The following LIN28A variants were observed in gnomAD, a reference collection of about 807,000 sequenced individuals.
LIN28A encodes the protein protein lin-28 homolog A.
A neutral mutation model predicts 21.1 loss-of-function variants in LIN28A; 11 were observed. The ratio of observed to expected loss-of-function variants is 0.52; its 90% CI spans 0.33 to 0.86. The LOEUF (loss-of-function observed/expected upper bound fraction) is 0.86, where lower values mean the gene tolerates loss of function less well. LIN28A is among the 40% of genes least tolerant of loss of function. The pLI is 0.03. For synonymous variants in LIN28A, 111 were observed against 108.7 expected, an observed-to-expected ratio of 1.02 and a Z score of -0.13; for missense variants, 219 against 279.8, an observed-to-expected ratio of 0.78 and a Z score of 1.55.
At chr1:26,425,238 G>T in intron 2 of LIN28A, 65 bp from the exon 3 acceptor site, 1 of 1,509,190 alleles carries the variant, frequency 6.6e-7, no homozygotes, top group Non-Finnish European at 9.1e-7. Context: ...AGGAATAAGA[G>T]TTCCTTGTCT....
At chr1:26,424,387 G>A (rs1013063338) in intron 2 of LIN28A, among the ~76,000 whole-genome samples, 37 of 151,618 alleles carry the variant, frequency 2.4e-4, no homozygotes, top group Non-Finnish European at 4.3e-4. Context: ...GATTACAGGC[G>A]CCCACCACCA....
At chr1:26,419,094 G>T (rs1175463526) in intron 2 of LIN28A, among the ~76,000 whole-genome samples, 4 of 152,076 alleles carry the variant, frequency 2.6e-5, no homozygotes, top group Non-Finnish European at 5.9e-5. Context: ...GGGGAAGGGG[G>T]CGGGGCCCTG....
rs1212308749 is a variant in LIN28A at position 26,427,390 on chromosome 1, G to C, written c.*932G>C. On this transcript the variant is annotated 3_prime_UTR_variant, in exon 4 of 4. Transcript: ENST00000326279. ...ACCTCATTTTTGCCAATAAGAGCTG[G>C]CTTTTCTGCCATAGTGTCCTCTTGA... is the stretch of plus-strand genomic sequence containing the variant. 1 of 152,610 alleles carries C rather than the reference G, an allele frequency of 6.6e-6. No homozygotes were observed. Among genetic ancestry groups the C allele is most frequent in the African/African-American group, 2.4e-5 (1 of 41,430 alleles). 9.5% of individuals were successfully genotyped at this position (152,610 alleles called of 1,614,324 possible). A position where few individuals can be genotyped will look rare whatever the true frequency, so the allele number is the denominator to read the frequency against.
At chr1:26,425,596 T>A in intron 3 of LIN28A, 109 bp downstream of exon 3, 1 of 1,041,660 alleles carries the variant, frequency 9.6e-7, no homozygotes, top group Non-Finnish European at 1.4e-6. Flanking sequence ...CTGTGGTCCC[T>A]GGCAGCATCT....
intron 2 of LIN28A, among the ~76,000 whole-genome samples, chr1:26,417,178 G>T (rs1004576678): frequency 5.3e-5 from 8 of 152,168 alleles, no homozygotes; most frequent in Non-Finnish European, 1.0e-4. Context: ...AGGCGCCCTC[G>T]GGCTTACCTT....
intron 2 of LIN28A, among the ~76,000 whole-genome samples, chr1:26,420,536 G>A (rs1408541638): frequency 2.7e-5 from 4 of 150,212 alleles, no homozygotes; most frequent in Admixed American, 2.0e-4. Context: ...CCCAGGAGGC[G>A]GAGGTTGCAG....
At chr1:26,414,858 G>A (rs2074984069) in intron 2 of LIN28A, among the ~76,000 whole-genome samples, 1 of 152,108 alleles carries the variant, frequency 6.6e-6, no homozygotes, top group Admixed American at 6.6e-5. Flanking sequence ...TCCCCTTGGA[G>A]TCAAAAATCT....
At chr1:26,425,780 A>G (rs2075055269) in intron 3 of LIN28A, among the ~76,000 whole-genome samples, 2 of 152,232 alleles carry the variant, frequency 1.3e-5, no homozygotes, top group African/African-American at 2.4e-5. Context: ...AAAGGAGATC[A>G]TAGATTTGCA....
chr1:26,426,340 T>A lies in LIN28A; in HGVS notation c.512T>A (p.Val171Glu), dbSNP rs201400954. 2 of 1,614,110 alleles carry A rather than the reference T, an allele frequency of 1.2e-6. No homozygotes were observed. Among genetic ancestry groups the A allele is most frequent in the African/African-American group, 2.7e-5 (2 of 75,046 alleles). Residue 171 changes from valine (V) to glutamate (E), a missense_variant, in exon 4 of 4, where the codon GTA (valine) becomes GAA (glutamate). Val to Glu is a moderately radical substitution (Grantham distance 121). This residue lies in a region of LIN28A where 124 missense variants were observed against 193.1 expected (regional missense o/e 0.64). Coordinates refer to ENST00000326279, the MANE Select transcript of LIN28A (RefSeq NM_024674.6). Reference sequence around the variant, plus strand: ...TTCTGCCAGAGCATCAGCCATATGGTAGCCTCATGTCCGCTGAAGGCCCAG... The same window carrying A: ...TTCTGCCAGAGCATCAGCCATATGGAAGCCTCATGTCCGCTGAAGGCCCAG... ...CHFCQSISHMVASCPLKAQQG... is the reference protein window; with the variant it reads ...CHFCQSISHMEASCPLKAQQG...
At chr1:26,417,836 G>A (rs1242126896) in intron 2 of LIN28A, among the ~76,000 whole-genome samples, 2 of 152,148 alleles carry the variant, frequency 1.3e-5, no homozygotes, top group African/African-American at 2.4e-5. Context: ...AATTGAGGTA[G>A]AGACCTGCAC....
intron 2 of LIN28A, among the ~76,000 whole-genome samples, chr1:26,420,106 T>C (rs1378753590): frequency 2.6e-5 from 4 of 152,056 alleles, no homozygotes; most frequent in Non-Finnish European, 4.4e-5. Context: ...CACAGGCACA[T>C]GCCACCATGC....
chr1:26,425,263 G>A, intron 2 of LIN28A, 40 bp from the exon 3 acceptor site: 1 of 1,588,598 alleles, frequency 6.3e-7, no homozygotes, highest in East Asian at 2.2e-5. Context: ...GTATAATAAT[G>A]GAAATTAATG....
At chr1:26,423,594 T>G (rs1412968381) in intron 2 of LIN28A, among the ~76,000 whole-genome samples, 1 of 147,946 alleles carries the variant, frequency 6.8e-6, no homozygotes, top group Non-Finnish European at 1.5e-5. Flanking sequence ...TTTTTAGTAG[T>G]AGAGACAGGG....
rs1309127696 is a variant in LIN28A at position 26,411,388 on chromosome 1, G to T, written c.34G>T (p.Gly12Cys). Residue 12 changes from glycine (G) to cysteine (C), a missense_variant and splice_region_variant, in exon 2 of 4, where the codon GGC becomes TGC. Coordinates refer to ENST00000326279, the MANE Select transcript of LIN28A (RefSeq NM_024674.6). This position sits in a 1 kb window ranked among gnomAD's most constrained non-coding sequence, Gnocchi z 5.4. ...GSVSNQQFAG[G>C]CAKAAEEAPE... ...TGCCCGGCCCTCCCTCTCTCCAGGT[G>T]GCTGCGCCAAGGCGGCAGAAGAGGC... The T allele has an allele frequency of 2.5e-6, 4 of 1,591,442 alleles. No individual in the cohort carries two copies. The highest frequency in any genetic ancestry group is 2.1e-4 in the Middle Eastern group (1 of 4,782).
At chr1:26,425,272 T>A (rs940073613) in intron 2 of LIN28A, 31 bp from the exon 3 acceptor site, 1 of 1,597,428 alleles carries the variant, frequency 6.3e-7, no homozygotes, top group Non-Finnish European at 8.5e-7. Flanking sequence ...TGGAAATTAA[T>A]GTTAAAATTT....
In LIN28A at chr1:26,415,162, G is replaced by T. The variant is rs546625422; in HGVS notation, c.228+3580G>T. Among the ~76,000 whole-genome samples, 3 of 152,264 alleles carry T rather than the reference G, an allele frequency of 2.0e-5. No homozygotes were observed. In the South Asian group the frequency reaches 6.2e-4, roughly 32 times the overall value. On this transcript the variant is annotated intron_variant, in intron 2 of 3. Coordinates refer to ENST00000326279, the MANE Select transcript of LIN28A (RefSeq NM_024674.6). The stretch of plus-strand genomic sequence containing the variant: ...CTAAAATGCTATATTAGAAGACTTG[G>T]AGTCAAAAGCCCAGATTTGACCAAG...
intron 2 of LIN28A, among the ~76,000 whole-genome samples, chr1:26,416,255 A>G (rs1272125880): frequency 6.6e-6 from 1 of 152,154 alleles, no homozygotes; most frequent in Non-Finnish European, 1.5e-5. Flanking sequence ...GGACTCCCAA[A>G]GTGCTGGGAT....
At chr1:26,419,149 C>A (rs1157825790) in intron 2 of LIN28A, among the ~76,000 whole-genome samples, 1 of 151,974 alleles carries the variant, frequency 6.6e-6, no homozygotes, top group East Asian at 1.9e-4. Context: ...ACAAGAATTT[C>A]AGGCGCTTTT....
rs147116956 is a variant in LIN28A at position 26,411,800 on chromosome 1, G to A, written c.228+218G>A. ...TATCAGCACCCCCGCCCCCTTCCGG[G>A]AACCCCTCCGGCTTACCACGTGTCT... On this transcript the variant is annotated intron_variant, in intron 2 of 3. Transcript: ENST00000326279. The surrounding 1 kb of genome is among the most constrained non-coding windows in gnomAD (Gnocchi z 5.4). Among the ~76,000 whole-genome samples, 389 of 152,322 alleles carry A rather than the reference G, an allele frequency of 2.6e-3. 7 individuals are homozygous for A. The East Asian group carries it at 0.061, about 24-fold the overall frequency.
Sources: gnomAD v4.1 joint callset for allele counts (sites outside exome capture counted in the v4.1 genomes callset) on GRCh38, gnomAD v4.1.1 for gene constraint, gnomAD v4.1.1 regional missense constraint, Gnocchi (gnomAD v3.1) non-coding constraint, MANE v1.5 for transcripts, NCBI Gene and HGNC (gene_info 2026-07-23, HGNC 2026-07-21) for gene names.